The following UNC5C variants were observed in gnomAD, a reference collection of about 807,000 sequenced individuals.
UNC5C encodes netrin receptor UNC5C.
In UNC5C, 47 loss-of-function variants were observed where a neutral mutation model predicts 99.8. The observed-to-expected ratio is 0.47, with a 90% CI of 0.37 to 0.60. UNC5C has a LOEUF of 0.60. UNC5C is among the 20% of genes least tolerant of loss of function. The pLI, the probability that UNC5C is intolerant of heterozygous loss-of-function variation, is 0.00. For synonymous variants in UNC5C, 487 were observed against 452.2 expected (o/e 1.08, Z -0.98); for missense variants, 1,062 against 1,165.9 (o/e 0.91, Z 1.30).
In UNC5C at chr4:95,311,293, AT is replaced by A. The variant is rs1742268093; in HGVS notation, c.347-9545del. 2.6e-5 allele frequency among the ~76,000 whole-genome samples: 4 copies of A among 152,202 alleles called. No homozygotes were observed. The South Asian group carries it at 8.3e-4, about 32-fold the overall frequency. ...CTTGTGTGTCAATATTCTTTGGAAT[AT>A]AAAAAAAACAATTTTGTGAATACAT... On this transcript the variant is annotated intron_variant, in intron 2 of 15. Coordinates refer to ENST00000453304, the MANE Select transcript of UNC5C (RefSeq NM_003728.4).
intron 1 of UNC5C, among the ~76,000 whole-genome samples, chr4:95,516,015 G>T (rs1485801531): frequency 1.3e-5 from 2 of 152,148 alleles, no homozygotes; most frequent in African/African-American, 4.8e-5. Flanking sequence ...ACGTTGAAGT[G>T]AACTGAAATA....
At chr4:95,206,061 T>C (rs529396152) in intron 11 of UNC5C, among the ~76,000 whole-genome samples, 4 of 151,252 alleles carry the variant, frequency 2.6e-5, no homozygotes, top group East Asian at 1.9e-4. Flanking sequence ...AGTGCAGTGG[T>C]GCGATCTCAG....
At chr4:95,250,885 A>G (rs1313853996) in intron 4 of UNC5C, among the ~76,000 whole-genome samples, 2 of 152,224 alleles carry the variant, frequency 1.3e-5, no homozygotes, top group African/African-American at 2.4e-5. Flanking sequence ...CCTGCCAAAC[A>G]TGCTGATTCT....
intron 4 of UNC5C, among the ~76,000 whole-genome samples, chr4:95,253,549 C>T (rs2149383147): frequency 6.6e-6 from 1 of 152,292 alleles, no homozygotes; most frequent in East Asian, 1.9e-4. Flanking sequence ...CTGTGGGGGA[C>T]ACTGCTCTCC....
At chr4:95,518,745 A>T (rs951742468) in intron 1 of UNC5C, among the ~76,000 whole-genome samples, 1 of 152,220 alleles carries the variant, frequency 6.6e-6, no homozygotes, top group Non-Finnish European at 1.5e-5. Context: ...GGTTTACTTG[A>T]TTTCAAAGTA....
rs1735805822 is a variant in UNC5C, at chr4:95,164,965, T to G, written c.*4269A>C. 1 of 152,238 alleles carries G rather than the reference T, an allele frequency of 6.6e-6. No individual in the cohort carries two copies. Among genetic ancestry groups the G allele is most frequent in the African/African-American group, 2.4e-5 (1 of 41,456 alleles). The allele number at this position is 152,238 out of a possible 1,614,324, so 9.4% of individuals were successfully genotyped here. On this transcript the variant is annotated 3_prime_UTR_variant, in exon 16 of 16. Coordinates refer to ENST00000453304, the MANE Select transcript of UNC5C (RefSeq NM_003728.4). ...GGCAGACCTTATAGAGGCAAAGACC[T>G]TTGAATTCTGGGGAGATGGTGATCA...
intron 7 of UNC5C, among the ~76,000 whole-genome samples, chr4:95,241,058 A>T (rs1193743542): frequency 2.0e-5 from 3 of 152,258 alleles, no homozygotes; most frequent in East Asian, 3.8e-4. Flanking sequence ...CAATCGCATG[A>T]ATCAGTTTGT....
chr4:95,202,684 G>T, intron 12 of UNC5C, 47 bp downstream of exon 12: 1 of 1,576,966 alleles, frequency 6.3e-7, no homozygotes. Context: ...CAAAACCTTG[G>T]CTTCCAGGTG....
chr4:95,198,275 C>T (rs559120718), intron 12 of UNC5C, among the ~76,000 whole-genome samples: 55 of 151,968 alleles, frequency 3.6e-4, no homozygotes, highest in African/African-American at 1.3e-3. Context: ...AGGCGTGAGT[C>T]ACCGTGCCCA....
Position 95,319,533 on chromosome 4 carries a change from G to A in UNC5C, c.346+15877C>T, listed in dbSNP as rs146433974. Among the ~76,000 whole-genome samples the A allele has an allele frequency of 2.9e-3, 440 of 152,292 alleles. 3 individuals are homozygous for A. Among genetic ancestry groups the A allele is most frequent in the Non-Finnish European group, 4.4e-3 (302 of 68,028 alleles). ...ACCCTGATAGTTGGCAAATGGTAGC[G>A]CTCATGTTACATGGGCTGGTTTTTA... On this transcript the variant is annotated intron_variant, in intron 2 of 15. Coordinates refer to ENST00000453304, the MANE Select transcript of UNC5C (RefSeq NM_003728.4).
intron 4 of UNC5C, among the ~76,000 whole-genome samples, chr4:95,254,112 C>T (rs1461886616): frequency 6.6e-6 from 1 of 152,154 alleles, no homozygotes; most frequent in Non-Finnish European, 1.5e-5. Context: ...AGACTGTTCT[C>T]TCTAAACATC....
At chr4:95,412,233 C>T (rs949329607) in intron 1 of UNC5C, among the ~76,000 whole-genome samples, 1 of 152,128 alleles carries the variant, frequency 6.6e-6, no homozygotes, top group African/African-American at 2.4e-5. Flanking sequence ...TCTCCATCTT[C>T]TCCAAACTAC....
intron 1 of UNC5C, among the ~76,000 whole-genome samples, chr4:95,404,811 C>T (rs1425856462): frequency 1.3e-5 from 2 of 152,150 alleles, no homozygotes; most frequent in African/African-American, 2.4e-5. Context: ...CCCCAAACTT[C>T]GGAGCAGAGC....
At chr4:95,231,624 C>T (rs1738915538) in intron 7 of UNC5C, among the ~76,000 whole-genome samples, 3 of 152,056 alleles carry the variant, frequency 2.0e-5, no homozygotes, top group Non-Finnish European at 4.4e-5. Context: ...ATTTTTTCAC[C>T]CCAATTACAT....
chr4:95,257,130 A>G (rs971797694), intron 4 of UNC5C, among the ~76,000 whole-genome samples: 11 of 152,186 alleles, frequency 7.2e-5, no homozygotes, highest in Non-Finnish European at 1.6e-4. Context: ...ACTATCAACC[A>G]TCACACTATA....
intron 1 of UNC5C, among the ~76,000 whole-genome samples, chr4:95,463,057 C>T (rs903259253): frequency 7.2e-5 from 11 of 152,114 alleles, no homozygotes; most frequent in Admixed American, 3.3e-4. Flanking sequence ...TTCCAGCTGC[C>T]GCCCTCAAAC....
intron 10 of UNC5C, among the ~76,000 whole-genome samples, chr4:95,210,455 T>G (rs1012486289): frequency 1.3e-5 from 2 of 152,200 alleles, no homozygotes; most frequent in Non-Finnish European, 2.9e-5. Context: ...ACACATTTCC[T>G]TTATACAAAG....
At chr4:95,385,543 G>A (rs1034892524) in intron 1 of UNC5C, among the ~76,000 whole-genome samples, 3 of 152,102 alleles carry the variant, frequency 2.0e-5, no homozygotes, top group East Asian at 3.9e-4. Flanking sequence ...TCAAGTAGAT[G>A]GTTCTTCTGT....
intron 1 of UNC5C, among the ~76,000 whole-genome samples, chr4:95,529,640 T>A (rs529724374): frequency 6.6e-6 from 1 of 151,862 alleles, no homozygotes; most frequent in South Asian, 2.1e-4. Flanking sequence ...GGCAGGAGGG[T>A]TGCTTGAGTC....
Sources: gnomAD v4.1 joint callset for allele counts (sites outside exome capture counted in the v4.1 genomes callset) on GRCh38, gnomAD v4.1.1 for gene constraint, MANE v1.5 for transcripts, NCBI Gene and HGNC (gene_info 2026-07-23, HGNC 2026-07-21) for gene names.